Variants in LRP1B observed in about 807,000 individuals in gnomAD.
The protein encoded by LRP1B is low-density lipoprotein receptor-related protein 1B.
Under a neutral mutation model 556.6 loss-of-function variants are expected in LRP1B, and 217 were observed. The ratio of observed to expected loss-of-function variants is 0.39; its 90% CI spans 0.35 to 0.44. LRP1B has a LOEUF of 0.44. Among genes scored for constraint, LRP1B ranks in the 20% least tolerant of loss-of-function variants. The pLI, the probability that LRP1B is intolerant of heterozygous loss-of-function variation, is 1.00. For missense variants in LRP1B, 5,053 were observed against 5,620.8 expected (o/e 0.90, Z 3.23); for synonymous variants, 2,047 against 1,865.8 (o/e 1.10, Z -2.50).
chr2:141,451,637 C>T (rs1681426012), intron 3 of LRP1B, among the ~76,000 whole-genome samples: 1 of 152,056 alleles, frequency 6.6e-6, no homozygotes, highest in Non-Finnish European at 1.5e-5. Flanking sequence ...ATAAAAAAAA[C>T]TGGCCACAAA....
chr2:140,333,768 A>G (rs1280461792), intron 79 of LRP1B, among the ~76,000 whole-genome samples: 1 of 152,040 alleles, frequency 6.6e-6, no homozygotes, highest in African/African-American at 2.4e-5. Flanking sequence ...AGAAGTGCCA[A>G]AGTTAGATGT....
At chr2:142,009,545 T>C (rs1467842470) in intron 1 of LRP1B, among the ~76,000 whole-genome samples, 2 of 152,040 alleles carry the variant, frequency 1.3e-5, no homozygotes, top group Admixed American at 6.6e-5. Flanking sequence ...TCTCACTCAA[T>C]TCTGTTGTTT....
At chr2:141,115,635 G>GTGCA (rs1700875888) in intron 7 of LRP1B, among the ~76,000 whole-genome samples, 1 of 46,146 alleles carries the variant, frequency 2.2e-5, no homozygotes, top group Admixed American at 3.2e-4. Context: ...TTGTGTGTGT[G>GTGCA]TGTGTGTGTG....
At chr2:141,003,405 C>T (rs563080200) in intron 15 of LRP1B, among the ~76,000 whole-genome samples, 20 of 152,030 alleles carry the variant, frequency 1.3e-4, no homozygotes, top group East Asian at 7.8e-4. Flanking sequence ...GATGGTGATA[C>T]GGTTTGGCTG....
At chr2:141,314,774 G>A (rs1366036537) in intron 3 of LRP1B, among the ~76,000 whole-genome samples, 1 of 144,140 alleles carries the variant, frequency 6.9e-6, no homozygotes, top group African/African-American at 2.6e-5. Flanking sequence ...CTGGGCGACA[G>A]AGTGAGACCC....
chr2:141,876,868 A>G (rs1698783444), intron 1 of LRP1B, among the ~76,000 whole-genome samples: 2 of 151,934 alleles, frequency 1.3e-5, no homozygotes, highest in South Asian at 2.1e-4. Flanking sequence ...AGATTCGATT[A>G]AAGTCTTGAG....
intron 43 of LRP1B, among the ~76,000 whole-genome samples, chr2:140,551,218 G>T (rs1241247662): frequency 6.6e-6 from 1 of 152,088 alleles, no homozygotes; most frequent in Non-Finnish European, 1.5e-5. Context: ...TTAAATTTTA[G>T]TAAATATATA....
intron 3 of LRP1B, among the ~76,000 whole-genome samples, chr2:141,394,774 G>A (rs961927827): frequency 3.3e-5 from 5 of 152,020 alleles, no homozygotes; most frequent in Non-Finnish European, 5.9e-5. Context: ...TTAGAAAACT[G>A]AAAAACTTGC....
intron 1 of LRP1B, among the ~76,000 whole-genome samples, chr2:142,003,786 C>T (rs1355346719): frequency 2.0e-5 from 3 of 152,162 alleles, no homozygotes; most frequent in Non-Finnish European, 2.9e-5. Context: ...TTTAAGTTAC[C>T]ATTTGCAGAT....
rs2105117974 is a variant in LRP1B, at chr2:140,850,236, A to T, written c.4805T>A (p.Val1602Asp). ...CACAGTAACGTCATCAATATCAGGGACTGTAAATGCCGTGATGAAGTTAAA... is the reference window on the plus strand; with the variant it reads ...CACAGTAACGTCATCAATATCAGGGTCTGTAAATGCCGTGATGAAGTTAAA... Reference protein sequence around the residue: ...PYFNFITAFTVPDIDDVTVID... With the variant: ...PYFNFITAFTDPDIDDVTVID... The change falls in exon 29 of 91, where the codon GTC (valine) becomes GAC (aspartate). Residue 1602 changes from valine (V) to aspartate (D), a missense_variant. Physicochemically the swap from Val to Asp is radical, Grantham distance 152. Coordinates refer to ENST00000389484, the MANE Select transcript of LRP1B (RefSeq NM_018557.3). 5 of 1,612,886 alleles carry T rather than the reference A, an allele frequency of 3.1e-6. No individual in the cohort carries two copies. Among genetic ancestry groups the T allele is most frequent in the Non-Finnish European group, 4.2e-6 (5 of 1,178,960 alleles).
At chr2:141,509,279 A>C (rs895984870) in intron 2 of LRP1B, among the ~76,000 whole-genome samples, 5 of 152,320 alleles carry the variant, frequency 3.3e-5, no homozygotes, top group African/African-American at 1.2e-4. Context: ...TATTCATCAA[A>C]ACTGATTTAT....
chr2:142,120,138 C>G (rs1236005992), intron 1 of LRP1B, among the ~76,000 whole-genome samples: 1 of 150,568 alleles, frequency 6.6e-6, no homozygotes, highest in Non-Finnish European at 1.5e-5. Flanking sequence ...TTTTTTGAGA[C>G]AGAGTCTCAG....
chr2:140,336,957 G>A (rs766353436), intron 77 of LRP1B, among the ~76,000 whole-genome samples: 12 of 151,816 alleles, frequency 7.9e-5, no homozygotes, highest in Non-Finnish European at 1.5e-4. Context: ...AACTAGATGT[G>A]TAATCAATAC....
At chr2:140,619,495 C>T (rs1683378129) in intron 41 of LRP1B, among the ~76,000 whole-genome samples, 1 of 152,098 alleles carries the variant, frequency 6.6e-6, no homozygotes, top group Non-Finnish European at 1.5e-5. Context: ...AGATGAAACT[C>T]AGGGCTGTCA....
At chr2:140,511,523 A>G (rs1374055199) in intron 51 of LRP1B, among the ~76,000 whole-genome samples, 1 of 151,962 alleles carries the variant, frequency 6.6e-6, no homozygotes, top group African/African-American at 2.4e-5. Flanking sequence ...GAATGGTCTC[A>G]ATATCCTGAC....
chr2:141,621,269 G>A (rs1479612998), intron 2 of LRP1B, among the ~76,000 whole-genome samples: 1 of 151,978 alleles, frequency 6.6e-6, no homozygotes. Flanking sequence ...ACGTGGAAAG[G>A]GGAAAACTAA....
At chr2:142,005,898 G>GAAAAAAAAAAA (rs541034249) in intron 1 of LRP1B, among the ~76,000 whole-genome samples, 1 of 117,896 alleles carries the variant, frequency 8.5e-6, no homozygotes, top group Non-Finnish European at 1.8e-5. Flanking sequence ...AAAAAAAAAA[G>GAAAAAAAAAAA]AAAAAAAAAA....
rs75336585 is a variant in LRP1B at position 141,313,355 on chromosome 2, A to G, written c.344-58714T>C. ...AAATTTTTAGTTCCTCAAATTTTGTAAAAAAAGAAAAAAAAACACTTGAAG... is the reference window on the plus strand; with the variant it reads ...AAATTTTTAGTTCCTCAAATTTTGTGAAAAAAGAAAAAAAAACACTTGAAG... On this transcript the variant is annotated intron_variant, in intron 3 of 90. Transcript: ENST00000389484. 1.2e-4 allele frequency among the ~76,000 whole-genome samples: 18 copies of G among 152,170 alleles called. No individual in the cohort carries two copies. The East Asian group carries it at 3.1e-3, about 26-fold the overall frequency.
Position 141,013,699 on chromosome 2 carries a change from T to C in LRP1B, c.2237A>G (p.His746Arg). 10 of 1,603,600 alleles carry C rather than the reference T, an allele frequency of 6.2e-6. No homozygotes were observed. Among genetic ancestry groups the C allele is most frequent in the Non-Finnish European group, 8.5e-6 (10 of 1,175,366 alleles). Reference protein sequence around the residue: ...RELNHPFGLSHHGNYVFWTDY... With the variant: ...RELNHPFGLSRHGNYVFWTDY... Reference sequence around the variant, plus strand: ...AGTCCAGAACACATAATTTCCATGATGCGACAGTCCGAAAGGGTGGTTCAA... The same window carrying C: ...AGTCCAGAACACATAATTTCCATGACGCGACAGTCCGAAAGGGTGGTTCAA... Residue 746 changes from histidine to arginine, a missense_variant, in exon 14 of 91, where the codon CAT becomes CGT. Around this residue, in one of 5 missense-constraint regions of LRP1B, gnomAD observed 3,619 missense variants for 3,931.9 expected, o/e 0.92. Transcript: ENST00000389484.
Sources: gnomAD v4.1 joint callset for allele counts (sites outside exome capture counted in the v4.1 genomes callset) on GRCh38, gnomAD v4.1.1 for gene constraint, gnomAD v4.1.1 regional missense constraint, MANE v1.5 for transcripts, NCBI Gene and HGNC (gene_info 2026-07-23, HGNC 2026-07-21) for gene names.